Variants in ZNF613 observed in about 807,000 individuals in gnomAD.
ZNF613 encodes zinc finger protein 613.
A neutral mutation model predicts 14.3 loss-of-function variants in ZNF613; 8 were observed. The ratio of observed to expected loss-of-function variants is 0.56; its 90% confidence interval spans 0.33 to 1.01. The LOEUF is 1.01. Ranked by LOEUF, ZNF613 falls within the 50% of genes least tolerant of loss-of-function variation. The pLI, the probability that ZNF613 is intolerant of heterozygous loss-of-function variation, is 0.03. For missense variants in ZNF613, 656 were observed against 741.9 expected (o/e 0.88, Z 1.35); for synonymous variants, 228 against 254.5 (o/e 0.90, Z 0.99).
rs752785147 is a variant in ZNF613 at position 51,945,649 on chromosome 19, C to A, written c.1766C>A (p.Ala589Glu). Residue 589 changes from alanine (A) to glutamate (E), a missense_variant, in exon 6 of 6, where the codon GCG becomes GAG. Transcript: ENST00000293471. Reference protein sequence around the residue: ...VAAQTSLTNSAFQAESKVAIV... With the variant: ...VAAQTSLTNSEFQAESKVAIV... The stretch of plus-strand genomic sequence containing the variant: ...GCTCAGACCTCATTAACTAACAGTG[C>A]GTTCCAAGCAGAGAGCAAAGTAGCC... The A allele has an allele frequency of 3.7e-6, 6 of 1,614,110 alleles. No individual in the cohort carries two copies. The South Asian group carries it at 5.5e-5, about 15-fold the overall frequency.
intron 1 of ZNF613, among the ~76,000 whole-genome samples, chr19:51,928,160 T>C (rs192503667): frequency 6.6e-5 from 10 of 152,298 alleles, no homozygotes; most frequent in African/African-American, 2.4e-4. Flanking sequence ...ACTCCTGGCC[T>C]CAAACGATCC....
At chr19:51,942,057 G>A (rs1464626772) in intron 5 of ZNF613, among the ~76,000 whole-genome samples, 1 of 152,156 alleles carries the variant, frequency 6.6e-6, no homozygotes, top group East Asian at 1.9e-4. Context: ...CATATAAGAT[G>A]GAAATTTCTC....
In ZNF613 at chr19:51,944,669, C is replaced by T; in HGVS notation, c.786C>T (p.Cys262=). 1.2e-6 allele frequency: 2 copies of T among 1,614,120 alleles called. No homozygotes were observed. Among genetic ancestry groups the T allele is most frequent in the Non-Finnish European group, 1.7e-6 (2 of 1,180,028 alleles). ...ACACAGGAGAGAAACCCTATGAATGCACTGAATGTGACAAAGCATTCCGCT... is the reference window on the plus strand; with the variant it reads ...ACACAGGAGAGAAACCCTATGAATGTACTGAATGTGACAAAGCATTCCGCT... ...RNHTGEKPYE[C]TECDKAFRWK... is the part of the protein sequence containing the mutation. The change falls in exon 6 of 6, where the codon TGC becomes TGT. Residue 262 remains cysteine, a synonymous_variant. Coordinates refer to ENST00000293471, the MANE Select transcript of ZNF613 (RefSeq NM_001031721.4).
intron 3 of ZNF613, among the ~76,000 whole-genome samples, chr19:51,939,203 T>A (rs1371660253): frequency 6.6e-6 from 1 of 152,098 alleles, no homozygotes; most frequent in Non-Finnish European, 1.5e-5. Flanking sequence ...TGACTATCTC[T>A]TCAGTTATGC....
chr19:51,939,766 G>A (rs8104281), intron 3 of ZNF613, among the ~76,000 whole-genome samples: 26,646 of 152,012 alleles, frequency 0.18, 3,230 homozygotes, highest in African/African-American at 0.34. Flanking sequence ...TTATTATGTA[G>A]TATCTTGTAG....
At chr19:51,939,840 T>C (rs76833476) in intron 3 of ZNF613, among the ~76,000 whole-genome samples, 1,966 of 152,138 alleles carry the variant, frequency 0.013, 101 homozygotes, top group Admixed American at 0.1. Context: ...AGATTCATGA[T>C]GAATAAAGAA....
intron 3 of ZNF613, among the ~76,000 whole-genome samples, chr19:51,936,457 C>G (rs1162437509): frequency 1.3e-5 from 2 of 152,110 alleles, no homozygotes; most frequent in Non-Finnish European, 2.9e-5. Context: ...TGGCATAGAG[C>G]TCCTAAAACC....
At chr19:51,936,626 G>A (rs1286144368) in intron 3 of ZNF613, among the ~76,000 whole-genome samples, 1 of 152,144 alleles carries the variant, frequency 6.6e-6, no homozygotes, top group Non-Finnish European at 1.5e-5. Flanking sequence ...CTAGCTGGGA[G>A]TGTGTGCCAC....
At chr19:51,936,303 G>A (rs985702725) in intron 3 of ZNF613, 68 bp downstream of exon 3, 2 of 1,494,800 alleles carry the variant, frequency 1.3e-6, no homozygotes, top group African/African-American at 2.8e-5. Context: ...TTAAAAGTCA[G>A]TTGAATTAAG....
chr19:51,935,523 T>C (rs1289348219), intron 2 of ZNF613, among the ~76,000 whole-genome samples: 1 of 152,220 alleles, frequency 6.6e-6, no homozygotes. Context: ...ATTGATACTT[T>C]ATAAGGATGT....
intron 5 of ZNF613, among the ~76,000 whole-genome samples, chr19:51,941,817 G>A (rs1383190687): frequency 2.6e-5 from 4 of 152,168 alleles, no homozygotes; most frequent in African/African-American, 7.2e-5. Flanking sequence ...CTCAGCTACC[G>A]TATTTAAAGT....
In ZNF613 at chr19:51,945,555, C is replaced by G; in HGVS notation, c.1672C>G (p.His558Asp). The G allele has an allele frequency of 6.2e-7, 1 of 1,614,170 alleles. No individual in the cohort carries two copies. The highest frequency in any genetic ancestry group is 8.5e-7 in the Non-Finnish European group (1 of 1,180,034). The change falls in exon 6 of 6, where the codon CAT (histidine) becomes GAT (aspartate). Residue 558 changes from histidine to aspartate, a missense_variant. His to Asp is a moderately conservative substitution (Grantham distance 81). Transcript: ENST00000293471. ...TTGCTCAGAGAGTCATAGCTTATCA[C>G]ATACACGTGATCTCATACAGGATAA... Reference protein sequence around the residue: ...NPCSESHSLSHTRDLIQDKDS... With the variant: ...NPCSESHSLSDTRDLIQDKDS...
At chr19:51,939,283 A>C (rs1402803903) in intron 3 of ZNF613, among the ~76,000 whole-genome samples, 5 of 151,360 alleles carry the variant, frequency 3.3e-5, no homozygotes, top group African/African-American at 7.3e-5. Flanking sequence ...TTTTTGAATA[A>C]TATTTTGTAT....
chr19:51,937,848 G>T (rs2085316792), intron 3 of ZNF613, among the ~76,000 whole-genome samples: 1 of 149,460 alleles, frequency 6.7e-6, no homozygotes, highest in African/African-American at 2.5e-5. Flanking sequence ...TCCTGCCTCA[G>T]CCTCCCGAGT....
Position 51,945,670 on chromosome 19 carries a change from T to C in ZNF613, c.1787T>C (p.Val596Ala), listed in dbSNP as rs1163708846. Residue 596 changes from valine (V) to alanine (A), a missense_variant, in exon 6 of 6, where the codon GTA (valine) becomes GCA (alanine). Val to Ala is a moderately conservative substitution (Grantham distance 64). Transcript: ENST00000293471. Reference sequence around the variant, plus strand: ...AGTGCGTTCCAAGCAGAGAGCAAAGTAGCCATTGTGAGCCAGCCTGTTGCC... The same window carrying C: ...AGTGCGTTCCAAGCAGAGAGCAAAGCAGCCATTGTGAGCCAGCCTGTTGCC... ...TNSAFQAESK[V>A]AIVSQPVARS... is the part of the protein sequence containing the mutation. 1 of 1,614,152 alleles carries C rather than the reference T, an allele frequency of 6.2e-7. No individual in the cohort carries two copies. Among genetic ancestry groups the C allele is most frequent in the Admixed American group, 1.7e-5 (1 of 60,014 alleles).
chr19:51,936,574 G>A (rs543073557), intron 3 of ZNF613, among the ~76,000 whole-genome samples: 6 of 152,114 alleles, frequency 3.9e-5, no homozygotes, highest in East Asian at 3.9e-4. Context: ...CTGCAACCTC[G>A]GCCTCCTGGG....
intron 1 of ZNF613, among the ~76,000 whole-genome samples, chr19:51,928,853 C>CAAA (rs58085445): frequency 2.0e-4 from 19 of 96,964 alleles, no homozygotes; most frequent in Non-Finnish European, 3.5e-4. Context: ...GACCCTGCCT[C>CAAA]AAAAAAAAAA....
At chr19:51,938,725 G>GAGATATAT (rs1555756064) in intron 3 of ZNF613, among the ~76,000 whole-genome samples, 5 of 118,900 alleles carry the variant, frequency 4.2e-5, no homozygotes, top group African/African-American at 1.6e-4. Flanking sequence ...AATGTACATG[G>GAGATATAT]ATATATATAT....
chr19:51,939,629 C>T (rs2085331813), intron 3 of ZNF613, among the ~76,000 whole-genome samples: 1 of 152,134 alleles, frequency 6.6e-6, no homozygotes, highest in South Asian at 2.1e-4. Flanking sequence ...CATGCCTGGC[C>T]TATTTATTTA....
Sources: allele counts gnomAD v4.1 joint callset (sites outside exome capture counted in the v4.1 genomes callset), GRCh38; gene constraint gnomAD v4.1.1; transcripts MANE v1.5; gene names NCBI Gene and HGNC (gene_info 2026-07-23, HGNC 2026-07-21).